SLC30A10: variants seen among roughly 807,000 people sequenced by gnomAD.
SLC30A10 encodes calcium/manganese antiporter SLC30A10.
A neutral mutation model predicts 21.7 loss-of-function variants in SLC30A10; 8 were observed. The observed-to-expected ratio is 0.37, with a 90% CI of 0.22 to 0.67. The LOEUF (loss-of-function observed/expected upper bound fraction) is 0.67, where lower values mean the gene tolerates loss of function less well. SLC30A10 is among the 30% of genes least tolerant of loss of function. The probability of loss-of-function intolerance (pLI) is 0.58; values close to 1 mark genes in which losing one functional copy is unlikely to be tolerated. For synonymous variants in SLC30A10, 272 were observed against 279.4 expected (o/e 0.97, Z 0.26); for missense variants, 521 against 642.5 (o/e 0.81, Z 2.04).
At chr1:219,937,769 G>A (rs1660066673) in intron 1 of SLC30A10, among the ~76,000 whole-genome samples, 2 of 152,172 alleles carry the variant, frequency 1.3e-5, no homozygotes, top group African/African-American at 2.4e-5. Flanking sequence ...CTGAGCTCGC[G>A]ACACTGAACT....
At chr1:219,942,629 T>G (rs1660136967) in intron 1 of SLC30A10, among the ~76,000 whole-genome samples, 1 of 152,218 alleles carries the variant, frequency 6.6e-6, no homozygotes, top group Non-Finnish European at 1.5e-5. Flanking sequence ...TATTTACAAG[T>G]TGGTAATGCC....
intron 1 of SLC30A10, among the ~76,000 whole-genome samples, chr1:219,952,154 C>A (rs1660280728): frequency 6.6e-6 from 1 of 152,144 alleles, no homozygotes; most frequent in African/African-American, 2.4e-5. Context: ...GTTCCTCTTC[C>A]CTTCAGCCCT....
intron 2 of SLC30A10, among the ~76,000 whole-genome samples, chr1:219,919,314 G>T (rs1659619420): frequency 6.6e-6 from 1 of 152,082 alleles, no homozygotes; most frequent in South Asian, 2.1e-4. Context: ...TTTGGGTTTT[G>T]GTTTTGGGGG....
intron 1 of SLC30A10, among the ~76,000 whole-genome samples, chr1:219,941,120 G>C (rs1660114926): frequency 6.6e-6 from 1 of 152,212 alleles, no homozygotes; most frequent in Non-Finnish European, 1.5e-5. Context: ...CCTGAGAGGA[G>C]AAGGAGAACA....
intron 2 of SLC30A10, among the ~76,000 whole-genome samples, chr1:219,920,241 G>C (rs1659646641): frequency 6.6e-6 from 1 of 152,074 alleles, no homozygotes; most frequent in Non-Finnish European, 1.5e-5. Flanking sequence ...CACCCCCAAA[G>C]GAGCTTTTAA....
At chr1:219,927,457 C>T (rs1049827076) in intron 1 of SLC30A10, among the ~76,000 whole-genome samples, 2 of 151,376 alleles carry the variant, frequency 1.3e-5, no homozygotes, top group African/African-American at 4.9e-5. Context: ...GTTGGAGAGT[C>T]CTGCCTGTTG....
At chr1:219,927,638 TAAAAAAAAAAAAAAAAAAA>T (rs77015523) in intron 1 of SLC30A10, among the ~76,000 whole-genome samples, 144 bp downstream of exon 1, 5 of 53,420 alleles carry the variant, frequency 9.4e-5, no homozygotes, top group African/African-American at 2.8e-4. Flanking sequence ...ATGGATTTAT[TAAAAAAAAAAAAAAAAAAA>T]AAAAAAAAAA....
intron 2 of SLC30A10, among the ~76,000 whole-genome samples, chr1:219,923,574 G>A (rs1295489343): frequency 6.6e-6 from 1 of 152,200 alleles, no homozygotes; most frequent in Non-Finnish European, 1.5e-5. Context: ...GGGATGTCAA[G>A]ATGGCTATTC....
In SLC30A10 at chr1:219,915,307, C is replaced by G; in HGVS notation, c.*142G>C. 2.8e-6 allele frequency: 3 copies of G among 1,053,070 alleles called. No homozygotes were observed. Among genetic ancestry groups the G allele is most frequent in the Non-Finnish European group, 4.2e-6 (3 of 717,906 alleles). 65.2% of individuals were successfully genotyped at this position (1,053,070 alleles called of 1,614,324 possible). On this transcript the variant is annotated 3_prime_UTR_variant, in exon 4 of 4. Transcript: ENST00000366926. ...TTCACAGACACGTTTAACTAAAATC[C>G]CAAACAGCCAACCCCTAGTGAACAC...
intron 1 of SLC30A10, among the ~76,000 whole-genome samples, chr1:219,950,415 G>T (rs1357971093): frequency 6.6e-6 from 1 of 152,080 alleles, no homozygotes; most frequent in Non-Finnish European, 1.5e-5. Context: ...CGAGGTGGGT[G>T]GATCACGAAG....
chr1:219,910,543 G>T lies in SLC30A10; in HGVS notation c.*4906C>A, dbSNP rs183155485. On this transcript the variant is annotated 3_prime_UTR_variant, in exon 4 of 4. Coordinates refer to ENST00000366926, the MANE Select transcript of SLC30A10 (RefSeq NM_018713.3). ...GGGGGATTCACATGCAATTATTAAT[G>T]AGTTATTTAAACTTTATGTCTTAGA... is the stretch of plus-strand genomic sequence containing the variant. Among the ~76,000 whole-genome samples, 45 of 152,254 alleles carry T rather than the reference G, an allele frequency of 3.0e-4. No homozygotes were observed. The highest frequency in any genetic ancestry group is 1.1e-3 in the African/African-American group (44 of 41,524).
At chr1:219,949,499 T>C (rs1481824160) in intron 1 of SLC30A10, among the ~76,000 whole-genome samples, 1 of 151,872 alleles carries the variant, frequency 6.6e-6, no homozygotes, top group Non-Finnish European at 1.5e-5. Context: ...CAGTAAACTA[T>C]CGCAAGAACA....
chr1:219,943,927 G>T (rs778732808), intron 1 of SLC30A10, among the ~76,000 whole-genome samples: 8 of 151,632 alleles, frequency 5.3e-5, no homozygotes, highest in African/African-American at 1.9e-4. Flanking sequence ...ATGAAACCCC[G>T]TCTCTACTAA....
intron 1 of SLC30A10, among the ~76,000 whole-genome samples, chr1:219,944,624 T>C (rs1394204637): frequency 6.6e-6 from 1 of 151,670 alleles, no homozygotes; most frequent in African/African-American, 2.4e-5. Context: ...TAAAGGGAGG[T>C]AAGGTTTCTA....
intron 2 of SLC30A10, 86 bp downstream of exon 2, chr1:219,926,942 C>T (rs1659840153): frequency 1.1e-5 from 12 of 1,076,626 alleles, no homozygotes; most frequent in Non-Finnish European, 1.5e-5. Flanking sequence ...CACACCTTTG[C>T]CTTATTAAAA....
In SLC30A10 at chr1:219,915,101, T is replaced by C; in HGVS notation, c.*348A>G. ...AGCATTAGCTAGAAGTTCTAATCAG[T>C]TTAGAAACAAGAACTTCTTTGAACA... On this transcript the variant is annotated 3_prime_UTR_variant, in exon 4 of 4. Coordinates refer to ENST00000366926, the MANE Select transcript of SLC30A10 (RefSeq NM_018713.3). The C allele has an allele frequency of 4.2e-6, 1 of 239,588 alleles. No individual in the cohort carries two copies. Among genetic ancestry groups the C allele is most frequent in the Non-Finnish European group, 8.2e-6 (1 of 122,630 alleles). 14.8% of individuals were successfully genotyped at this position (239,588 alleles called of 1,614,324 possible).
chr1:219,938,083 T>C (rs1182557092), intron 1 of SLC30A10, among the ~76,000 whole-genome samples: 1 of 152,242 alleles, frequency 6.6e-6, no homozygotes, highest in Admixed American at 6.5e-5. Flanking sequence ...ACTTTTTCTT[T>C]GTAGTATCTC....
chr1:219,925,801 AC>A (rs1659808005), intron 2 of SLC30A10, among the ~76,000 whole-genome samples: 1 of 149,940 alleles, frequency 6.7e-6, no homozygotes, highest in Non-Finnish European at 1.5e-5. Flanking sequence ...GATTACAGGC[AC>A]CCACCACCAT....
intron 1 of SLC30A10, among the ~76,000 whole-genome samples, chr1:219,945,244 G>T (rs1660171688): frequency 6.6e-6 from 1 of 152,128 alleles, no homozygotes; most frequent in Non-Finnish European, 1.5e-5. Flanking sequence ...GATGATTTTG[G>T]TGATGGTTAT....
Sources: allele counts gnomAD v4.1 joint callset (sites outside exome capture counted in the v4.1 genomes callset), GRCh38; gene constraint gnomAD v4.1.1; transcripts MANE v1.5; gene names NCBI Gene and HGNC (gene_info 2026-07-23, HGNC 2026-07-21).